ERG: variants seen among roughly 807,000 people sequenced by gnomAD.
The protein encoded by ERG is transcriptional regulator ERG.
A neutral mutation model predicts 55.3 loss-of-function variants in ERG; 9 were observed. The ratio of observed to expected loss-of-function variants is 0.16; its 90% CI spans 0.10 to 0.28. The LOEUF (loss-of-function observed/expected upper bound fraction) is 0.28. Ranked by LOEUF, ERG falls within the 10% of genes least tolerant of loss-of-function variation. The pLI is 1.00. For synonymous variants in ERG, 223 were observed against 237.3 expected, an observed-to-expected ratio of 0.94 and a Z score of 0.55; for missense variants, 434 against 631.6, an observed-to-expected ratio of 0.69 and a Z score of 3.35.
At chr21:38,634,013 TTC>T (rs2060373063) in intron 1 of ERG, among the ~76,000 whole-genome samples, 1 of 152,142 alleles carries the variant, frequency 6.6e-6, no homozygotes, top group South Asian at 2.1e-4. Context: ...CTGTATATAA[TTC>T]TCTAAGAAGA....
At chr21:38,645,016 G>T (rs941282799) in intron 1 of ERG, among the ~76,000 whole-genome samples, 1 of 152,000 alleles carries the variant, frequency 6.6e-6, no homozygotes, top group South Asian at 2.1e-4. Context: ...AAACTTAGCC[G>T]GGCATGGCAG....
intron 2 of ERG, among the ~76,000 whole-genome samples, chr21:38,533,476 C>T (rs2059687001): frequency 6.6e-6 from 1 of 152,120 alleles, no homozygotes; most frequent in Admixed American, 6.5e-5. Flanking sequence ...AAGATGCTTG[C>T]CAATGGAACG....
intron 1 of ERG, among the ~76,000 whole-genome samples, chr21:38,476,710 C>T (rs1048761627): frequency 6.6e-6 from 1 of 152,164 alleles, no homozygotes; most frequent in African/African-American, 2.4e-5. Flanking sequence ...CTTCCCCCCT[C>T]CTTGTAGACT....
intron 2 of ERG, among the ~76,000 whole-genome samples, chr21:38,541,991 T>C (rs1213248372): frequency 6.6e-6 from 1 of 152,016 alleles, no homozygotes; most frequent in Non-Finnish European, 1.5e-5. Context: ...ACACTGTTTT[T>C]GTTTGTTTGT....
chr21:38,445,598 C>G lies in ERG; in HGVS notation c.42G>C (p.Glu14Asp). Residue 14 changes from glutamate (E) to aspartate (D), a missense_variant, in exon 2 of 10, where the codon GAG becomes GAC. Glu to Asp is a conservative substitution (Grantham distance 45, BLOSUM62 2). Coordinates refer to ENST00000288319, the MANE Select transcript of ERG (RefSeq NM_182918.4). ...TIKEALSVVS[E>D]DQSLFECAYG... is the part of the protein sequence containing the mutation. ...AGGCACACTCAAACAACGACTGGTC[C>G]TCACTCACAACTGATAAGGCTTCCT... is the stretch of plus-strand genomic sequence containing the variant. 6.2e-7 allele frequency: 1 copy of G among 1,614,056 alleles called. No homozygotes were observed. Among genetic ancestry groups the G allele is most frequent in the Non-Finnish European group, 8.5e-7 (1 of 1,179,988 alleles).
intron 2 of ERG, among the ~76,000 whole-genome samples, chr21:38,517,241 C>T (rs188616657): frequency 1.3e-5 from 2 of 151,722 alleles, no homozygotes; most frequent in Admixed American, 6.6e-5. Flanking sequence ...CCAGAATATA[C>T]ACAAAACTCA....
At chr21:38,463,744 G>A (rs1481043181) in intron 1 of ERG, among the ~76,000 whole-genome samples, 1 of 152,230 alleles carries the variant, frequency 6.6e-6, no homozygotes, top group Admixed American at 6.5e-5. Flanking sequence ...AGGGCCCAGG[G>A]TATGTGTGCT....
At position 38,382,340 on chromosome 21, in the gene ERG, A is replaced by G; in HGVS notation, c.*1063T>C. On this transcript the variant is annotated 3_prime_UTR_variant, in exon 10 of 10. Transcript: ENST00000288319. ...ACCCAAAATGCCTGCGTGATTTCTGATTGTGGCAGCCAAGAAGGCCATCTC... is the reference window on the plus strand; with the variant it reads ...ACCCAAAATGCCTGCGTGATTTCTGGTTGTGGCAGCCAAGAAGGCCATCTC... 1 of 1,058,734 alleles carries G rather than the reference A, an allele frequency of 9.4e-7. No individual in the cohort carries two copies. Among genetic ancestry groups the G allele is most frequent in the South Asian group, 4.6e-5 (1 of 21,902 alleles). 65.6% of individuals were successfully genotyped at this position (1,058,734 alleles called of 1,614,324 possible).
Position 38,409,610 on chromosome 21 carries a change from G to A in ERG, c.389-5901C>T, listed in dbSNP as rs188689301. 1.1e-4 allele frequency among the ~76,000 whole-genome samples: 16 copies of A among 152,126 alleles called. 1 individual carries two copies. The highest frequency in any genetic ancestry group is 3.9e-4 in the East Asian group (2 of 5,182). On this transcript the variant is annotated intron_variant, in intron 3 of 9. Transcript: ENST00000288319. ...AGGAGAGTGAACTTGGATTAACAGCGAGGATTTTGACAGAAGTAGAGAGAA... is the reference window on the plus strand; with the variant it reads ...AGGAGAGTGAACTTGGATTAACAGCAAGGATTTTGACAGAAGTAGAGAGAA...
At chr21:38,607,599 A>G (rs2060203831) in intron 1 of ERG, among the ~76,000 whole-genome samples, 1 of 152,174 alleles carries the variant, frequency 6.6e-6, no homozygotes, top group African/African-American at 2.4e-5. Flanking sequence ...GCGCTGCACC[A>G]CTGCACTCCA....
upstream of ERG, among the ~76,000 whole-genome samples, chr21:38,503,296 T>A (rs1253340392): frequency 6.6e-6 from 1 of 152,172 alleles, no homozygotes; most frequent in African/African-American, 2.4e-5. Context: ...CCCACAATAC[T>A]TGTAGGTGTC....
chr21:38,602,311 G>A lies in ERG; in HGVS notation c.-149-17366C>T, dbSNP rs376935513. 6.9e-4 allele frequency among the ~76,000 whole-genome samples: 105 copies of A among 152,026 alleles called. 2 individuals carry two copies. The highest frequency in any genetic ancestry group is 2.3e-3 in the African/African-American group (96 of 41,352). On this transcript the variant is annotated intron_variant, in intron 1 of 10. Transcript: ENST00000398910. ...TACAAAAAAATTAGCTGGGCATGGCGATGGGTGCCTGTAGTCCCAGCTACT... is the reference window on the plus strand; with the variant it reads ...TACAAAAAAATTAGCTGGGCATGGCAATGGGTGCCTGTAGTCCCAGCTACT...
chr21:38,378,093 T>C (rs373686391), downstream of ERG, among the ~76,000 whole-genome samples: 16 of 152,234 alleles, frequency 1.1e-4, no homozygotes, highest in African/African-American at 2.6e-4. Flanking sequence ...GATTCCACTG[T>C]CTCTGTAATG....
chr21:38,623,321 CCACA>C (rs5843921), intron 1 of ERG, among the ~76,000 whole-genome samples: 83,440 of 148,146 alleles, frequency 0.56, 23,252 homozygotes, highest in East Asian at 0.68. Flanking sequence ...CACATACGCA[CCACA>C]CACACACACA....
At chr21:38,392,892 C>A (rs1354984812) in intron 6 of ERG, among the ~76,000 whole-genome samples, 1 of 152,194 alleles carries the variant, frequency 6.6e-6, no homozygotes, top group Non-Finnish European at 1.5e-5. Context: ...CATTCAGCTT[C>A]TTTTTCTTCT....
At chr21:38,489,065 T>G (rs534879602) in intron 1 of ERG, among the ~76,000 whole-genome samples, 17 of 152,316 alleles carry the variant, frequency 1.1e-4, no homozygotes, top group Non-Finnish European at 1.9e-4. Context: ...CCTTCCTGCA[T>G]CAGTGCGTCT....
intron 1 of ERG, among the ~76,000 whole-genome samples, chr21:38,480,789 T>A (rs1469400644): frequency 6.6e-6 from 1 of 152,050 alleles, no homozygotes; most frequent in East Asian, 1.9e-4. Context: ...ATTAGGAAAA[T>A]CTGGCTCTTA....
intron 1 of ERG, among the ~76,000 whole-genome samples, chr21:38,491,862 G>T (rs569475615): frequency 1.3e-5 from 2 of 152,312 alleles, no homozygotes; most frequent in African/African-American, 4.8e-5. Context: ...AATATGGAAA[G>T]AATTCTTGTC....
At chr21:38,452,261 A>G (rs529509122) in intron 1 of ERG, among the ~76,000 whole-genome samples, 1 of 152,330 alleles carries the variant, frequency 6.6e-6, no homozygotes, top group South Asian at 2.1e-4. Context: ...ATATACAAAC[A>G]CATACACATG....
Sources: gnomAD v4.1 joint callset for allele counts (sites outside exome capture counted in the v4.1 genomes callset) on GRCh38, gnomAD v4.1.1 for gene constraint, MANE v1.5 for transcripts, NCBI Gene and HGNC (gene_info 2026-07-23, HGNC 2026-07-21) for gene names.